The following ADORA2B variants were observed in gnomAD, a reference collection of about 807,000 sequenced individuals.
ADORA2B encodes the protein adenosine receptor A2b.
A neutral mutation model predicts 20.8 loss-of-function variants in ADORA2B; 18 were observed. That is an observed-to-expected ratio of 0.87 (90% CI 0.60 to 1.29). The LOEUF (loss-of-function observed/expected upper bound fraction) is 1.29, where lower values mean the gene tolerates loss of function less well. Ranked by LOEUF, ADORA2B falls within the 50% of genes most tolerant of loss-of-function variation. The probability of loss-of-function intolerance (pLI) is 0.00; values close to 1 mark genes in which losing one functional copy is unlikely to be tolerated. For synonymous variants in ADORA2B, 179 were observed against 178.3 expected, an observed-to-expected ratio of 1.00 and a Z score of -0.03; for missense variants, 441 against 422.7, an observed-to-expected ratio of 1.04 and a Z score of -0.38.
At chr17:15,880,611 C>T in the ADORA2B span, among the ~76,000 whole-genome samples, 4 of 147,432 alleles carry the variant, frequency 2.7e-5, no homozygotes, top group African/African-American at 7.7e-5. Flanking sequence ...GAGTTGGGGT[C>T]GGACAGCAGC....
the ADORA2B span, among the ~76,000 whole-genome samples, chr17:15,874,234 A>C: frequency 6.6e-6 from 1 of 151,776 alleles, no homozygotes; most frequent in Non-Finnish European, 1.5e-5. Flanking sequence ...AAAATCAAAA[A>C]TCATATGTTC....
At chr17:15,962,622 C>T (rs1407997951) in intron 1 of ADORA2B, among the ~76,000 whole-genome samples, 4 of 152,140 alleles carry the variant, frequency 2.6e-5, no homozygotes, top group South Asian at 4.1e-4. Flanking sequence ...ACCTCTGCCT[C>T]CTAGGTTCAA....
the ADORA2B span, among the ~76,000 whole-genome samples, chr17:15,889,971 A>G: frequency 7.7e-6 from 1 of 130,122 alleles, no homozygotes; most frequent in South Asian, 2.3e-4. Flanking sequence ...CCCATTTTGA[A>G]CAGTAATGCT....
intron 1 of ADORA2B, among the ~76,000 whole-genome samples, chr17:15,964,925 C>T (rs534062385): frequency 2.0e-5 from 3 of 151,546 alleles, no homozygotes; most frequent in Non-Finnish European, 2.9e-5. Flanking sequence ...GCCCGTGTGG[C>T]AGCGGGTGCC....
chr17:15,878,805 A>G, the ADORA2B span, among the ~76,000 whole-genome samples: 1 of 152,180 alleles, frequency 6.6e-6, no homozygotes, highest in African/African-American at 2.4e-5. Context: ...GATAAGAATT[A>G]TAGCAAATTC....
At chr17:15,953,644 AGTG>A (rs111761830) in intron 1 of ADORA2B, among the ~76,000 whole-genome samples, 9,367 of 152,180 alleles carry the variant, frequency 0.062, 969 homozygotes, top group African/African-American at 0.21. Context: ...GTTTCTGTCA[AGTG>A]GTGATTATAT....
chr17:15,933,747 G>A, the ADORA2B span, among the ~76,000 whole-genome samples: 25,933 of 151,782 alleles, frequency 0.17, 2,355 homozygotes, highest in Non-Finnish European at 0.2. Context: ...CAAGATTATG[G>A]CATTTGCAAT....
intron 1 of ADORA2B, among the ~76,000 whole-genome samples, chr17:15,955,274 G>A (rs972117835): frequency 2.0e-5 from 3 of 152,066 alleles, no homozygotes; most frequent in South Asian, 4.1e-4. Context: ...GATTACATAC[G>A]GATTTTGGAG....
At chr17:15,953,648 G>T (rs1969933392) in intron 1 of ADORA2B, among the ~76,000 whole-genome samples, 1 of 135,464 alleles carries the variant, frequency 7.4e-6, no homozygotes, top group Admixed American at 6.9e-5. Context: ...CTGTCAAGTG[G>T]TGATTATATT....
At chr17:15,957,699 C>A (rs1319220887) in intron 1 of ADORA2B, among the ~76,000 whole-genome samples, 1 of 152,134 alleles carries the variant, frequency 6.6e-6, no homozygotes, top group Non-Finnish European at 1.5e-5. Context: ...GCTCTGGACC[C>A]AACTCCTGCT....
intron 1 of ADORA2B, among the ~76,000 whole-genome samples, chr17:15,955,656 C>T (rs1969957487): frequency 6.6e-6 from 1 of 151,682 alleles, no homozygotes; most frequent in African/African-American, 2.4e-5. Flanking sequence ...GATCCACTCA[C>T]CTTGGCCTCC....
the ADORA2B span, among the ~76,000 whole-genome samples, chr17:15,918,410 A>G: frequency 6.6e-6 from 1 of 152,218 alleles, no homozygotes; most frequent in South Asian, 2.1e-4. Flanking sequence ...GGCTGAGTAC[A>G]GTCACCACAT....
chr17:15,916,790 C>T, the ADORA2B span, among the ~76,000 whole-genome samples: 2 of 152,172 alleles, frequency 1.3e-5, no homozygotes, highest in Non-Finnish European at 2.9e-5. Context: ...GGTCTCCTCC[C>T]TTAGAAGGGG....
intron 1 of ADORA2B, among the ~76,000 whole-genome samples, chr17:15,962,676 C>T (rs1046898024): frequency 3.3e-5 from 5 of 152,140 alleles, no homozygotes; most frequent in Non-Finnish European, 7.3e-5. Context: ...GGATTACAGG[C>T]GCCTTGCCAC....
chr17:15,897,722 C>T, the ADORA2B span, among the ~76,000 whole-genome samples: 1 of 152,096 alleles, frequency 6.6e-6, no homozygotes, highest in Admixed American at 6.5e-5. Flanking sequence ...CATTAGTGAT[C>T]AGGAAAATCT....
At chr17:15,875,457 C>G in the ADORA2B span, among the ~76,000 whole-genome samples, 1 of 152,218 alleles carries the variant, frequency 6.6e-6, no homozygotes, top group Non-Finnish European at 1.5e-5. Flanking sequence ...ACCTGGAGTT[C>G]ACATTAAGAT....
At chr17:15,921,206 T>C in the ADORA2B span, among the ~76,000 whole-genome samples, 4 of 152,220 alleles carry the variant, frequency 2.6e-5, no homozygotes, top group Non-Finnish European at 5.9e-5. Context: ...CCTGGGGATT[T>C]GGCAAATCTC....
chr17:15,945,930 G>A (rs1969799682), intron 1 of ADORA2B, among the ~76,000 whole-genome samples: 1 of 152,172 alleles, frequency 6.6e-6, no homozygotes, highest in Non-Finnish European at 1.5e-5. Context: ...TGGAGCCCGG[G>A]GCGCGGGAGT....
chr17:15,886,627 C>T, the ADORA2B span, among the ~76,000 whole-genome samples: 1 of 130,472 alleles, frequency 7.7e-6, no homozygotes, highest in Admixed American at 7.5e-5. Flanking sequence ...ATAGCTGTGA[C>T]CTTTTTTAGA....
Sources: gnomAD v4.1 joint callset for allele counts (sites outside exome capture counted in the v4.1 genomes callset) on GRCh38, gnomAD v4.1.1 for gene constraint, MANE v1.5 for transcripts, NCBI Gene and HGNC (gene_info 2026-07-23, HGNC 2026-07-21) for gene names.